The following PSD3 variants were observed in gnomAD, a reference collection of about 807,000 sequenced individuals.
PSD3 encodes PH and SEC7 domain-containing protein 3.
Under a neutral mutation model 105.5 loss-of-function variants are expected in PSD3, and 49 were observed. The ratio of observed to expected loss-of-function variants is 0.46; its 90% CI spans 0.37 to 0.59. PSD3 has a LOEUF of 0.59. Among genes scored for constraint, PSD3 ranks in the 20% least tolerant of loss-of-function variants. PSD3 has a pLI of 0.00. For missense variants in PSD3, 1,561 were observed against 1,263.8 expected (o/e 1.24, Z -3.57); for synonymous variants, 557 against 457.8 (o/e 1.22, Z -2.77).
At chr8:18,964,016 G>A (rs1352962115) in intron 1 of PSD3, among the ~76,000 whole-genome samples, 2 of 152,170 alleles carry the variant, frequency 1.3e-5, no homozygotes, top group African/African-American at 4.8e-5. Context: ...GCGCACACAT[G>A]CATAGTTTCT....
Position 18,989,003 on chromosome 8 carries a change from C to T in PSD3, c.21+24560G>A, listed in dbSNP as rs118072046. On this transcript the variant is annotated intron_variant, in intron 1 of 15. Transcript: ENST00000327040. The stretch of plus-strand genomic sequence containing the variant: ...TCTAATAAACAGCAGCCTGCATGGT[C>T]GGGACTCCAGGTAAAGATAAATTGG... 2.6e-3 allele frequency among the ~76,000 whole-genome samples: 392 copies of T among 152,300 alleles called. 1 individual carries two copies. The highest frequency in any genetic ancestry group is 3.2e-3 in the Non-Finnish European group (215 of 68,020).
At chr8:18,940,606 T>C (rs866891400) in intron 1 of PSD3, among the ~76,000 whole-genome samples, 4 of 152,218 alleles carry the variant, frequency 2.6e-5, no homozygotes, top group East Asian at 3.9e-4. Context: ...AAAGTAACTC[T>C]ATCTTGGAAA....
intron 4 of PSD3, among the ~76,000 whole-genome samples, chr8:18,805,433 T>A (rs1811116514): frequency 6.6e-6 from 1 of 152,186 alleles, no homozygotes; most frequent in South Asian, 2.1e-4. Flanking sequence ...TAAGAAAATG[T>A]GCCCTCACTC....
In PSD3 at chr8:18,621,444, G is replaced by A. The variant is rs116934577; in HGVS notation, c.2410+11169C>T. ...TATTGCTCCTGATGAGAATGATGGC[G>A]GAGGACCTCTTTCAACCGACTTTAT... On this transcript the variant is annotated intron_variant, in intron 11 of 15. Coordinates refer to ENST00000327040, the MANE Select transcript of PSD3 (RefSeq NM_015310.4). Among the ~76,000 whole-genome samples the A allele has an allele frequency of 5.1e-4, 78 of 152,262 alleles. No homozygotes were observed. In the East Asian group the frequency reaches 6.4e-3, roughly 12 times the overall value.
intron 4 of PSD3, chr8:18,854,509 G>A (rs1438308852): frequency 1.3e-5 from 2 of 152,218 alleles, no homozygotes; most frequent in Admixed American, 6.5e-5. Context: ...ATTTGGAGTG[G>A]TTGCCGTTTA....
intron 4 of PSD3, among the ~76,000 whole-genome samples, chr8:18,841,941 C>G (rs1316870400): frequency 6.6e-6 from 1 of 152,146 alleles, no homozygotes; most frequent in Non-Finnish European, 1.5e-5. Context: ...ATACTTCAGA[C>G]CAGTGGAGAG....
At chr8:19,031,872 A>T (rs1334618143) in intron 1 of PSD3, among the ~76,000 whole-genome samples, 4 of 152,250 alleles carry the variant, frequency 2.6e-5, no homozygotes, top group African/African-American at 4.8e-5. Context: ...CAGTTTACAG[A>T]TGAGAAAACC....
intron 4 of PSD3, among the ~76,000 whole-genome samples, chr8:18,836,430 T>G (rs527530029): frequency 1.3e-5 from 2 of 152,206 alleles, no homozygotes; most frequent in African/African-American, 2.4e-5. Context: ...TCTGTGCACA[T>G]GCAAACTCAA....
chr8:18,585,084 G>C (rs1314829428), intron 12 of PSD3, among the ~76,000 whole-genome samples: 2 of 152,090 alleles, frequency 1.3e-5, no homozygotes, highest in Non-Finnish European at 2.9e-5. Context: ...AGAACACGAA[G>C]CCCTCTGCCT....
intron 4 of PSD3, among the ~76,000 whole-genome samples, chr8:18,813,646 T>C (rs1344018501): frequency 6.6e-6 from 1 of 152,284 alleles, no homozygotes; most frequent in Non-Finnish European, 1.5e-5. Flanking sequence ...ATTTAGAAGA[T>C]GCCAAAAGCA....
At chr8:18,807,600 A>G (rs1275565007) in intron 4 of PSD3, among the ~76,000 whole-genome samples, 1 of 152,198 alleles carries the variant, frequency 6.6e-6, no homozygotes, top group Admixed American at 6.5e-5. Flanking sequence ...TAAGTCAAAT[A>G]CCAAACCACA....
intron 9 of PSD3, among the ~76,000 whole-genome samples, chr8:18,687,771 T>C (rs1800742456): frequency 6.6e-6 from 1 of 152,088 alleles, no homozygotes; most frequent in Non-Finnish European, 1.5e-5. Flanking sequence ...TATATATTTT[T>C]GCTATTTTTT....
chr8:18,786,865 G>C (rs1249750891), intron 8 of PSD3: 1 of 152,166 alleles, frequency 6.6e-6, no homozygotes, highest in Non-Finnish European at 1.5e-5. Flanking sequence ...GGAACAAAAG[G>C]TGAGGAGTCA....
At chr8:18,906,873 T>C (rs1357415539) in intron 2 of PSD3, among the ~76,000 whole-genome samples, 3 of 152,304 alleles carry the variant, frequency 2.0e-5, no homozygotes, top group East Asian at 3.9e-4. Context: ...AACACTCCCA[T>C]TGCCTAGTGA....
At chr8:18,598,852 T>C (rs576206182) in intron 12 of PSD3, among the ~76,000 whole-genome samples, 2 of 152,028 alleles carry the variant, frequency 1.3e-5, no homozygotes, top group African/African-American at 4.8e-5. Context: ...AAAAGACATA[T>C]ACACTGAAAA....
At chr8:18,762,504 C>T (rs1472378161) in intron 9 of PSD3, among the ~76,000 whole-genome samples, 1 of 152,204 alleles carries the variant, frequency 6.6e-6, no homozygotes, top group African/African-American at 2.4e-5. Context: ...ACATCACCTC[C>T]TCCCAGCCTT....
intron 11 of PSD3, among the ~76,000 whole-genome samples, chr8:18,626,450 A>C (rs1806484255): frequency 6.6e-6 from 1 of 152,152 alleles, no homozygotes; most frequent in Non-Finnish European, 1.5e-5. Flanking sequence ...ACCTATAGTG[A>C]CCATGCTTAA....
intron 9 of PSD3, chr8:18,733,577 A>G (rs1023143830): frequency 1.3e-5 from 2 of 152,470 alleles, no homozygotes; most frequent in Admixed American, 6.5e-5. Flanking sequence ...CTGAGTCCCT[A>G]TGCAAGTAGC....
chr8:18,724,697 T>C (rs1803226998), intron 9 of PSD3, among the ~76,000 whole-genome samples: 1 of 152,112 alleles, frequency 6.6e-6, no homozygotes, highest in Non-Finnish European at 1.5e-5. Flanking sequence ...AGAGAGTTAA[T>C]GTGGGCACGT....
Sources: gnomAD v4.1 joint callset for allele counts (sites outside exome capture counted in the v4.1 genomes callset) on GRCh38, gnomAD v4.1.1 for gene constraint, MANE v1.5 for transcripts, NCBI Gene and HGNC (gene_info 2026-07-23, HGNC 2026-07-21) for gene names.